DLGAP2: variants seen among roughly 807,000 people sequenced by gnomAD.
The protein encoded by DLGAP2 is DLG associated protein 2, also known as disks large-associated protein 2.
In DLGAP2, 26 loss-of-function variants were observed where a neutral mutation model predicts 100.3. That is an observed-to-expected ratio of 0.26 (90% CI 0.19 to 0.36). The LOEUF (loss-of-function observed/expected upper bound fraction) is 0.36. Ranked by LOEUF, DLGAP2 falls within the 10% of genes least tolerant of loss-of-function variation. The probability of loss-of-function intolerance (pLI) is 1.00; values close to 1 mark genes in which losing one functional copy is unlikely to be tolerated. For missense variants in DLGAP2, 1,858 were observed against 1,453.2 expected, an observed-to-expected ratio of 1.28 and a Z score of -4.53; for synonymous variants, 886 against 630.1, an observed-to-expected ratio of 1.41 and a Z score of -6.08.
At chr8:1,300,576 C>G (rs543240492) in intron 3 of DLGAP2, 1 of 152,342 alleles carries the variant, frequency 6.6e-6, no homozygotes, top group Non-Finnish European at 1.5e-5. Flanking sequence ...GGGGTCAGCA[C>G]CCAGCACAAA....
chr8:1,515,917 T>G (rs1484085930), intron 4 of DLGAP2, among the ~76,000 whole-genome samples: 1 of 152,208 alleles, frequency 6.6e-6, no homozygotes, highest in African/African-American at 2.4e-5. Context: ...GCAGTTCCCT[T>G]AATGGATGAG....
In DLGAP2 at chr8:1,161,275, C is replaced by G. The variant is rs564566311; in HGVS notation, c.74-97576C>G. 1.8e-3 allele frequency among the ~76,000 whole-genome samples: 270 copies of G among 152,204 alleles called. 2 individuals are homozygous for G. Among genetic ancestry groups the G allele is most frequent in the South Asian group, 0.018 (85 of 4,814 alleles). Reference sequence around the variant, plus strand: ...AAATACACAAGCTGACCACACCAGCCCAGGGCCTGGTGTGGAACAGGCATG... The same window carrying G: ...AAATACACAAGCTGACCACACCAGCGCAGGGCCTGGTGTGGAACAGGCATG... On this transcript the variant is annotated intron_variant, in intron 2 of 14. Transcript: ENST00000637795.
At chr8:1,472,229 G>C (rs1366092306) in intron 3 of DLGAP2, among the ~76,000 whole-genome samples, 1 of 152,220 alleles carries the variant, frequency 6.6e-6, no homozygotes, top group Non-Finnish European at 1.5e-5. Flanking sequence ...GCCATGTTGG[G>C]AGGGGAGGGG....
At chr8:742,951 T>C (rs1409130354) in intron 1 of DLGAP2, among the ~76,000 whole-genome samples, 1 of 152,218 alleles carries the variant, frequency 6.6e-6, no homozygotes, top group Non-Finnish European at 1.5e-5. Context: ...ACGTAGGAAA[T>C]GCTGGATTAG....
At chr8:1,686,075 G>A (rs1057431936) in intron 12 of DLGAP2, among the ~76,000 whole-genome samples, 10 of 152,296 alleles carry the variant, frequency 6.6e-5, no homozygotes, top group South Asian at 2.1e-4. Context: ...GCTGGGCATA[G>A]ACCCAAACAA....
chr8:1,256,600 T>G, intron 2 of DLGAP2, among the ~76,000 whole-genome samples: 1 of 144,910 alleles, frequency 6.9e-6, no homozygotes, highest in Non-Finnish European at 1.5e-5. Context: ...CCTGCCCGGG[T>G]GCTGTGTGTG....
chr8:746,201 C>A (rs1820614256), intron 1 of DLGAP2, among the ~76,000 whole-genome samples: 1 of 152,244 alleles, frequency 6.6e-6, no homozygotes, highest in Non-Finnish European at 1.5e-5. Flanking sequence ...GTGCTCCCAG[C>A]TCCCTTGCCT....
chr8:1,468,161 G>T (rs553799448), intron 3 of DLGAP2, among the ~76,000 whole-genome samples: 1 of 151,984 alleles, frequency 6.6e-6, no homozygotes, highest in Non-Finnish European at 1.5e-5. Context: ...CAGCAGCCTC[G>T]GTCCCTTCTG....
intron 3 of DLGAP2, among the ~76,000 whole-genome samples, chr8:1,436,814 T>C (rs1398124134): frequency 2.0e-5 from 3 of 152,270 alleles, no homozygotes; most frequent in African/African-American, 7.2e-5. Context: ...TCATGGTGAG[T>C]GTCCTCTGCA....
chr8:1,231,679 G>C (rs148915055), intron 2 of DLGAP2, among the ~76,000 whole-genome samples: 2 of 152,292 alleles, frequency 1.3e-5, no homozygotes, highest in Non-Finnish European at 2.9e-5. Context: ...GTTCTTTGCA[G>C]CAATGTGGAT....
At chr8:989,410 C>T (rs1025693589) in intron 2 of DLGAP2, among the ~76,000 whole-genome samples, 8 of 152,172 alleles carry the variant, frequency 5.3e-5, no homozygotes, top group Admixed American at 6.5e-5. Context: ...GCACCTGAAT[C>T]GGCCGCACTT....
chr8:1,206,407 G>A (rs111674606), intron 2 of DLGAP2, among the ~76,000 whole-genome samples: 12 of 73,532 alleles, frequency 1.6e-4, no homozygotes, highest in East Asian at 3.9e-4. Flanking sequence ...TCCGTGGACT[G>A]GGGTAGACTG....
At chr8:795,785 G>C (rs1416087804) in intron 1 of DLGAP2, among the ~76,000 whole-genome samples, 3 of 141,546 alleles carry the variant, frequency 2.1e-5, no homozygotes, top group Non-Finnish European at 1.5e-5. Context: ...GTGAGAGCAG[G>C]CGTCCGGTGA....
intron 3 of DLGAP2, among the ~76,000 whole-genome samples, chr8:1,423,492 G>T (rs1390421112): frequency 6.6e-6 from 1 of 152,192 alleles, no homozygotes; most frequent in Non-Finnish European, 1.5e-5. Flanking sequence ...ATGCACTTCT[G>T]GCACCAGCTT....
intron 2 of DLGAP2, among the ~76,000 whole-genome samples, chr8:1,087,304 T>C (rs1442376873): frequency 6.6e-6 from 1 of 152,184 alleles, no homozygotes; most frequent in African/African-American, 2.4e-5. Context: ...ATGATTTTAG[T>C]ATGCCCAGAC....
At chr8:1,359,897 T>C (rs1801940832) in intron 3 of DLGAP2, among the ~76,000 whole-genome samples, 1 of 152,218 alleles carries the variant, frequency 6.6e-6, no homozygotes, top group Non-Finnish European at 1.5e-5. Flanking sequence ...AAAGAAAATC[T>C]CTTGGAATTT....
At chr8:1,275,201 TA>T (rs543037025) in intron 3 of DLGAP2, among the ~76,000 whole-genome samples, 91 of 152,118 alleles carry the variant, frequency 6.0e-4, no homozygotes, top group African/African-American at 2.0e-3. Flanking sequence ...ATCCCAATGT[TA>T]AGGGGAGGGA....
chr8:1,463,564 C>T lies in DLGAP2; in HGVS notation c.107-37802C>T, dbSNP rs116493424. Among the ~76,000 whole-genome samples, 958 of 152,362 alleles carry T rather than the reference C, an allele frequency of 6.3e-3. 9 individuals carry two copies. Among genetic ancestry groups the T allele is most frequent in the African/African-American group, 0.022 (901 of 41,588 alleles). On this transcript the variant is annotated intron_variant, in intron 3 of 14. Transcript: ENST00000637795. Reference sequence around the variant, plus strand: ...TGCCCCGGGTGGCCCCGAGCTGGTCCGGCCTCGCGTTGAGGGGTCCAGTGG... The same window carrying T: ...TGCCCCGGGTGGCCCCGAGCTGGTCTGGCCTCGCGTTGAGGGGTCCAGTGG...
intron 2 of DLGAP2, among the ~76,000 whole-genome samples, chr8:1,086,812 G>A (rs1205437476): frequency 6.6e-6 from 1 of 152,142 alleles, no homozygotes; most frequent in Admixed American, 6.5e-5. Context: ...AGCAATCATA[G>A]GGCACTTTAA....
Sources: gnomAD v4.1 joint callset for allele counts (sites outside exome capture counted in the v4.1 genomes callset) on GRCh38, gnomAD v4.1.1 for gene constraint, MANE v1.5 for transcripts, NCBI Gene and HGNC (gene_info 2026-07-23, HGNC 2026-07-21) for gene names.